Variants in NPEPL1 observed in about 807,000 individuals in gnomAD.
The protein encoded by NPEPL1 is probable aminopeptidase NPEPL1.
A neutral mutation model predicts 52.4 loss-of-function variants in NPEPL1; 45 were observed. The ratio of observed to expected loss-of-function variants is 0.86; its 90% confidence interval spans 0.68 to 1.10. The LOEUF (loss-of-function observed/expected upper bound fraction) is 1.10, where lower values mean the gene tolerates loss of function less well. Ranked by LOEUF, NPEPL1 falls within the 50% of genes least tolerant of loss-of-function variation. NPEPL1 has a pLI of 0.00. For missense variants in NPEPL1, 696 were observed against 710.9 expected (o/e 0.98, Z 0.24); for synonymous variants, 360 against 314.7 (o/e 1.14, Z -1.52).
intron 6 of NPEPL1, chr20:58,705,385 C>T: frequency 2.3e-6 from 1 of 441,482 alleles, no homozygotes. Context: ...CATTATGAGT[C>T]ACACGGAATA....
rs906501842 is a variant in NPEPL1 at position 58,693,560 on chromosome 20, A to C, written c.151-177A>C. 3 of 562,940 alleles carry C rather than the reference A, an allele frequency of 5.3e-6. No individual in the cohort carries two copies. In the Admixed American group the frequency reaches 1.0e-4, roughly 19 times the overall value. 34.9% of individuals were successfully genotyped at this position (562,940 alleles called of 1,614,324 possible). A position where few individuals can be genotyped will look rare whatever the true frequency, so the allele number is the denominator to read the frequency against. On this transcript the variant is annotated intron_variant, in intron 1 of 11. Transcript: ENST00000356091. ...GGGGGATGCGAGCCAGCCTAGAGAC[A>C]GTTAGCTCTGCAGAGAGGCGACACA...
chr20:58,712,545 A>G lies in NPEPL1; in HGVS notation c.967A>G (p.Arg323Gly). ...AENSVGPNAT[R>G]PDDIHLLYSG... ...GAACTCGGTGGGGCCCAATGCGACAAGGCCAGATGACATCCACCTGCTGTA... is the reference window on the plus strand; with the variant it reads ...GAACTCGGTGGGGCCCAATGCGACAGGGCCAGATGACATCCACCTGCTGTA... Residue 323 changes from arginine (R) to glycine (G), a missense_variant, in exon 8 of 12, where the codon AGG (arginine) becomes GGG (glycine). By Grantham distance (125) the Arg-to-Gly change is moderately radical. Transcript: ENST00000356091. 1 of 1,613,508 alleles carries G rather than the reference A, an allele frequency of 6.2e-7. No homozygotes were observed. The highest frequency in any genetic ancestry group is 1.1e-5 in the South Asian group (1 of 91,052).
Position 58,713,574 on chromosome 20 carries a change from G to C in NPEPL1, c.1125+31G>C. The C allele has an allele frequency of 6.4e-7, 1 of 1,555,758 alleles. No individual in the cohort carries two copies. The highest frequency in any genetic ancestry group is 2.3e-5 in the East Asian group (1 of 43,302). The stretch of plus-strand genomic sequence containing the variant: ...TGCTCCCTGGATCCACCCCTTAGCT[G>C]TAGTCCCAGGGAACCCCACCCCACT... On this transcript the variant is annotated intron_variant, in intron 9 of 11. Transcript: ENST00000356091. This position sits in a 1 kb window ranked among gnomAD's most constrained non-coding sequence, Gnocchi z 4.6.
At position 58,714,642 on chromosome 20, in the gene NPEPL1, A is replaced by G; in HGVS notation, c.1385A>G (p.His462Arg). The G allele has an allele frequency of 6.3e-7, 1 of 1,594,878 alleles. No individual in the cohort carries two copies. Among genetic ancestry groups the G allele is most frequent in the East Asian group, 2.3e-5 (1 of 44,018 alleles). Residue 462 changes from histidine (H) to arginine (R), a missense_variant, in exon 11 of 12, where the codon CAC becomes CGC. By Grantham distance (29) the His-to-Arg change is conservative (BLOSUM62 0). Transcript: ENST00000356091. ...IGFDWPGVWVHLDIAAPVHAG... is the reference protein window; with the variant it reads ...IGFDWPGVWVRLDIAAPVHAG... ...TTCGACTGGCCCGGAGTCTGGGTCC[A>G]CCTGGACATTGCTGCACCGGTGCAT...
Position 58,712,459 on chromosome 20 carries a change from C to T in NPEPL1, c.901-20C>T. ...AACCTATGACCTACAACTGGAGCCT[C>T]TGCCCACTTCTCCCTCCAGGGTTTC... On this transcript the variant is annotated intron_variant, in intron 7 of 11. Coordinates refer to ENST00000356091, the MANE Select transcript of NPEPL1 (RefSeq NM_024663.4). 1 of 1,580,046 alleles carries T rather than the reference C, an allele frequency of 6.3e-7. No homozygotes were observed. Among genetic ancestry groups the T allele is most frequent in the East Asian group, 2.2e-5 (1 of 44,648 alleles).
rs1207051675 is a variant in NPEPL1 at position 58,713,544 on chromosome 20, G to A, written c.1125+1G>A. ...CATGGCCACCCTGACCGGGGCTCAGGTGAGTGCTCCCTGGATCCACCCCTT... is the reference window on the plus strand; with the variant it reads ...CATGGCCACCCTGACCGGGGCTCAGATGAGTGCTCCCTGGATCCACCCCTT... On this transcript the variant is annotated splice_donor_variant, in intron 9 of 11. Coordinates refer to ENST00000356091, the MANE Select transcript of NPEPL1 (RefSeq NM_024663.4). LOFTEE classifies it high-confidence loss of function. The surrounding 1 kb of genome is among the most constrained non-coding windows in gnomAD (Gnocchi z 4.6). The A allele has an allele frequency of 1.9e-6, 3 of 1,600,856 alleles. No individual in the cohort carries two copies. The highest frequency in any genetic ancestry group is 2.6e-6 in the Non-Finnish European group (3 of 1,172,416).
At chr20:58,712,315 C>T (rs1034815947) in intron 7 of NPEPL1, among the ~76,000 whole-genome samples, 164 bp from the exon 8 acceptor site, 1 of 152,146 alleles carries the variant, frequency 6.6e-6, no homozygotes, top group Non-Finnish European at 1.5e-5. Context: ...TGGGATCTGC[C>T]AGGACTGTAC....
chr20:58,701,101 CGCCTGGGTGGGCAAAGG>C lies in NPEPL1; in HGVS notation c.766_782del (p.Ala256HisfsTer4). 1 of 1,592,814 alleles carries C rather than the reference CGCCTGGGTGGGCAAAGG, an allele frequency of 6.3e-7. No homozygotes were observed. The highest frequency in any genetic ancestry group is 2.3e-5 in the East Asian group (1 of 43,752). On this transcript the variant is annotated frameshift_variant, in exon 6 of 12. Transcript: ENST00000356091. LOFTEE classifies it high-confidence loss of function. Reference sequence around the variant, plus strand: ...CCCCAGATGGAGCCACGCAGACCATCGCCTGGGTGGGCAAAGGCATCGTCTATGACACTGGAGGCCTC... The same window carrying C: ...CCCCAGATGGAGCCACGCAGACCATCCATCGTCTATGACACTGGAGGCCTC...
At chr20:58,697,299 C>G (rs923554392) in intron 3 of NPEPL1, among the ~76,000 whole-genome samples, 1 of 152,248 alleles carries the variant, frequency 6.6e-6, no homozygotes, top group Non-Finnish European at 1.5e-5. Context: ...GCCCCGAGCT[C>G]GCCGTGGTCT....
In NPEPL1 at chr20:58,694,444, T is replaced by C. The variant is rs1307769372; in HGVS notation, c.359T>C (p.Val120Ala). 1 of 1,612,338 alleles carries C rather than the reference T, an allele frequency of 6.2e-7. No homozygotes were observed. The highest frequency in any genetic ancestry group is 2.2e-5 in the East Asian group (1 of 44,822). Residue 120 changes from valine (V) to alanine (A), a missense_variant, in exon 3 of 12, where the codon GTC becomes GCC. By Grantham distance (64) the Val-to-Ala change is moderately conservative (BLOSUM62 0). Transcript: ENST00000356091. ...CAGATGGTCTGCGAGCAGCCGGAGG[T>C]CTTTGCTTCCGCCTGTGCCCTGGCC... ...CIVMVCEQPE[V>A]FASACALARA...
intron 6 of NPEPL1, chr20:58,703,339 G>A (rs1398508291): frequency 2.6e-6 from 1 of 390,070 alleles, no homozygotes; most frequent in African/African-American, 2.2e-5. Flanking sequence ...TGTTATTGCT[G>A]ACTTTGTTCA....
In NPEPL1 at chr20:58,714,613, C is replaced by A; in HGVS notation, c.1356C>A (p.Ile452=). The A allele has an allele frequency of 6.3e-7, 1 of 1,597,538 alleles. No individual in the cohort carries two copies. Residue 452 remains isoleucine (I), a synonymous_variant, in exon 11 of 12, where the codon ATC becomes ATA. Transcript: ENST00000356091. ...CTGGCCTCTTCATCGCCTCACACATCGGCTTCGACTGGCCCGGAGTCTGGG... is the reference window on the plus strand; with the variant it reads ...CTGGCCTCTTCATCGCCTCACACATAGGCTTCGACTGGCCCGGAGTCTGGG... The part of the protein sequence containing the change: ...SCAGLFIASH[I]GFDWPGVWVH...
rs6026468 is a variant in NPEPL1 at position 58,715,291 on chromosome 20, C to G, written c.1537C>G (p.Leu513Val). The G allele has an allele frequency of 0.59, 947,421 of 1,609,344 alleles. 282,111 individuals carry two copies. The highest frequency in any genetic ancestry group is 0.78 in the African/African-American group (58,398 of 74,914). ...GCEVDVEEGDLGRDSKRRRLV is the reference protein window; with the variant it reads ...GCEVDVEEGDVGRDSKRRRLV ...TGAGGTGGATGTCGAGGAGGGGGAC[C>G]TGGGGAGGGACTCCAAGAGACGCAG... The change falls in exon 12 of 12, where the codon CTG becomes GTG. Residue 513 changes from leucine (L) to valine (V), a missense_variant. By Grantham distance (32) the Leu-to-Val change is conservative. Transcript: ENST00000356091.
At chr20:58,701,397 G>T (rs1217016308) in intron 6 of NPEPL1, among the ~76,000 whole-genome samples, 1 of 146,526 alleles carries the variant, frequency 6.8e-6, no homozygotes, top group Non-Finnish European at 1.5e-5. Flanking sequence ...GGCCCAGTTT[G>T]GGTCCAGCCA....
At chr20:58,693,706 C>T (rs370378339) in intron 1 of NPEPL1, 31 bp from the exon 2 acceptor site, 37 of 1,575,258 alleles carry the variant, frequency 2.3e-5, no homozygotes, top group Non-Finnish European at 3.1e-5. Context: ...TGTTTGAAGC[C>T]TCTGTGTCTT....
chr20:58,693,962 C>A (rs891364780), intron 2 of NPEPL1, 40 bp downstream of exon 2: 1 of 1,513,842 alleles, frequency 6.6e-7, no homozygotes, highest in South Asian at 1.2e-5. Context: ...TGCTCCTAGT[C>A]GGGCAGCGGT....
intron 3 of NPEPL1, among the ~76,000 whole-genome samples, chr20:58,695,635 A>G (rs1437600730): frequency 1.3e-5 from 2 of 152,156 alleles, no homozygotes; most frequent in Non-Finnish European, 1.5e-5. Context: ...GCTCTCCCAC[A>G]TCAGCACTTG....
intron 7 of NPEPL1, among the ~76,000 whole-genome samples, chr20:58,710,032 CT>C (rs59087368): frequency 9.1e-6 from 1 of 109,454 alleles, no homozygotes; most frequent in Non-Finnish European, 1.7e-5. Context: ...TTGTTTGTGG[CT>C]TTTTTTTTTT....
intron 7 of NPEPL1, chr20:58,710,961 C>A (rs1255444866): frequency 6.6e-6 from 1 of 152,272 alleles, no homozygotes; most frequent in African/African-American, 2.4e-5. Flanking sequence ...AGCTCTGCCC[C>A]AGACCTGCTG....
Sources: allele counts gnomAD v4.1 joint callset (sites outside exome capture counted in the v4.1 genomes callset), GRCh38; gene constraint gnomAD v4.1.1; non-coding constraint Gnocchi (gnomAD v3.1); transcripts MANE v1.5; gene names NCBI Gene and HGNC (gene_info 2026-07-23, HGNC 2026-07-21).